FBXL17: variants seen among roughly 807,000 people sequenced by gnomAD.
The protein encoded by FBXL17 is F-box/LRR-repeat protein 17.
In FBXL17, 22 loss-of-function variants were observed where a neutral mutation model predicts 66.2. The observed-to-expected ratio is 0.33, with a 90% CI of 0.24 to 0.47. The LOEUF (loss-of-function observed/expected upper bound fraction) is 0.47. FBXL17 is among the 20% of genes least tolerant of loss of function. The probability of loss-of-function intolerance (pLI) is 1.00; values close to 1 mark genes in which losing one functional copy is unlikely to be tolerated. For missense variants in FBXL17, 878 were observed against 948.2 expected (o/e 0.93, Z 0.97); for synonymous variants, 474 against 400.5 (o/e 1.18, Z -2.19).
intron 7 of FBXL17, among the ~76,000 whole-genome samples, chr5:107,889,131 A>C (rs1040308622): frequency 5.9e-5 from 9 of 152,208 alleles, no homozygotes; most frequent in Admixed American, 5.9e-4. Context: ...ACTTTAAAAA[A>C]ATTTCTAGCA....
At chr5:108,213,924 T>C (rs1327341252) in intron 5 of FBXL17, among the ~76,000 whole-genome samples, 1 of 152,164 alleles carries the variant, frequency 6.6e-6, no homozygotes, top group Non-Finnish European at 1.5e-5. Flanking sequence ...TTATCAGATA[T>C]ACAGTTTTCA....
intron 7 of FBXL17, among the ~76,000 whole-genome samples, chr5:107,983,113 C>T (rs1177782022): frequency 2.0e-5 from 3 of 152,080 alleles, no homozygotes; most frequent in South Asian, 2.1e-4. Context: ...CTAGACCTGA[C>T]GACTTTTCTT....
intron 6 of FBXL17, among the ~76,000 whole-genome samples, chr5:108,179,516 C>T (rs1213805817): frequency 6.6e-6 from 1 of 152,056 alleles, no homozygotes; most frequent in Admixed American, 6.6e-5. Context: ...GAATCATGAA[C>T]CAAACACTAA....
chr5:107,870,741 A>G (rs897309576), intron 8 of FBXL17, among the ~76,000 whole-genome samples: 1 of 151,948 alleles, frequency 6.6e-6, no homozygotes, highest in Non-Finnish European at 1.5e-5. Context: ...GCGTGCCACC[A>G]TGCTCAGCTA....
At chr5:108,199,359 G>A (rs902645631) in intron 5 of FBXL17, among the ~76,000 whole-genome samples, 2 of 152,064 alleles carry the variant, frequency 1.3e-5, no homozygotes, top group African/African-American at 4.8e-5. Flanking sequence ...AACTTCTTTA[G>A]TCAAATATTT....
intron 6 of FBXL17, among the ~76,000 whole-genome samples, chr5:108,109,648 C>T (rs889750810): frequency 1.3e-5 from 2 of 151,944 alleles, no homozygotes; most frequent in African/African-American, 4.8e-5. Context: ...GAGCCATGAA[C>T]CTAGTAAGGG....
intron 4 of FBXL17, among the ~76,000 whole-genome samples, chr5:108,345,798 T>C (rs921059893): frequency 1.3e-5 from 2 of 152,036 alleles, no homozygotes; most frequent in African/African-American, 4.8e-5. Flanking sequence ...AAAAGATGTA[T>C]GTATACTCAA....
At chr5:108,027,239 A>G (rs1367578003) in intron 6 of FBXL17, among the ~76,000 whole-genome samples, 2 of 152,160 alleles carry the variant, frequency 1.3e-5, no homozygotes. Context: ...GCAATATTTT[A>G]AAATGCACAT....
intron 4 of FBXL17, among the ~76,000 whole-genome samples, chr5:108,291,824 T>C (rs551736101): frequency 6.6e-6 from 1 of 152,166 alleles, no homozygotes; most frequent in African/African-American, 2.4e-5. Context: ...CAGTCAGTCT[T>C]GAGTACTGCA....
chr5:108,304,516 AAAAC>A (rs1174136869), intron 4 of FBXL17, among the ~76,000 whole-genome samples: 2 of 152,130 alleles, frequency 1.3e-5, no homozygotes, highest in East Asian at 1.9e-4. Context: ...GATTAGTAAA[AAAAC>A]AAATAGATAC....
intron 4 of FBXL17, among the ~76,000 whole-genome samples, chr5:108,239,188 G>A (rs999292788): frequency 3.3e-5 from 5 of 151,986 alleles, no homozygotes; most frequent in Non-Finnish European, 7.4e-5. Context: ...TCCTCCCTGC[G>A]GGAACACCAA....
At chr5:108,379,695 TATTAAGCTCCAA>T (rs1281755367) in intron 1 of FBXL17, among the ~76,000 whole-genome samples, 2 of 152,208 alleles carry the variant, frequency 1.3e-5, no homozygotes, top group Non-Finnish European at 2.9e-5. Flanking sequence ...GGTTTATATT[TATTAAGCTCCAA>T]ATAGGGTAGG....
In FBXL17 at chr5:108,364,903, G is replaced by A. The variant is rs752776794; in HGVS notation, c.1209C>T (p.Gly403=). ...GACATTTAAATGCTAAAACACATAC[G>A]CCATTATCAGACATACTGCGACAAT... ...ISDCRSMSDN[G]VCVLAFKCPG... Residue 403 remains glycine, a synonymous_variant, in exon 3 of 9, where the codon GGC becomes GGT. Coordinates refer to ENST00000542267, the MANE Select transcript of FBXL17 (RefSeq NM_001163315.3). 9 of 1,612,534 alleles carry A rather than the reference G, an allele frequency of 5.6e-6. No homozygotes were observed. Among genetic ancestry groups the A allele is most frequent in the Non-Finnish European group, 6.8e-6 (8 of 1,178,932 alleles).
At chr5:108,168,029 T>A (rs1404186919) in intron 6 of FBXL17, among the ~76,000 whole-genome samples, 1 of 152,204 alleles carries the variant, frequency 6.6e-6, no homozygotes, top group Non-Finnish European at 1.5e-5. Flanking sequence ...GAGGCACCTG[T>A]GAGGAGCTTG....
chr5:108,349,547 T>C (rs1433646696), intron 3 of FBXL17, among the ~76,000 whole-genome samples: 2 of 152,218 alleles, frequency 1.3e-5, no homozygotes, highest in Non-Finnish European at 2.9e-5. Flanking sequence ...TAGGCTGCAC[T>C]ACAACCAATA....
chr5:108,083,471 G>A (rs286784), intron 6 of FBXL17, among the ~76,000 whole-genome samples: 6,593 of 152,186 alleles, frequency 0.043, 489 homozygotes, highest in African/African-American at 0.15. Flanking sequence ...TGTGATCTCA[G>A]TTCAGTGCAA....
At chr5:108,115,283 T>C (rs1179097517) in intron 6 of FBXL17, among the ~76,000 whole-genome samples, 1 of 152,154 alleles carries the variant, frequency 6.6e-6, no homozygotes, top group African/African-American at 2.4e-5. Flanking sequence ...TTATTCACTG[T>C]TTTTTTAAGC....
At chr5:108,136,221 C>A (rs892843912) in intron 6 of FBXL17, among the ~76,000 whole-genome samples, 1 of 152,006 alleles carries the variant, frequency 6.6e-6, no homozygotes, top group Non-Finnish European at 1.5e-5. Flanking sequence ...ATTTATGAGC[C>A]TAACTCTTTA....
intron 4 of FBXL17, among the ~76,000 whole-genome samples, chr5:108,232,262 G>C (rs1580660590): frequency 6.6e-6 from 1 of 152,220 alleles, no homozygotes; most frequent in Middle Eastern, 3.4e-3. Context: ...ATGGTATTTG[G>C]GTTGGGGATT....
Sources: allele counts gnomAD v4.1 joint callset (sites outside exome capture counted in the v4.1 genomes callset), GRCh38; gene constraint gnomAD v4.1.1; transcripts MANE v1.5; gene names NCBI Gene and HGNC (gene_info 2026-07-23, HGNC 2026-07-21).